The following MACROD2 variants were observed in gnomAD, a reference collection of about 807,000 sequenced individuals.
The protein encoded by MACROD2 is ADP-ribose glycohydrolase MACROD2.
MACROD2 carries 36 observed loss-of-function variants against 70.4 expected under a neutral mutation model. The observed-to-expected ratio is 0.51, with a 90% CI of 0.39 to 0.68. The LOEUF is 0.68. Among genes scored for constraint, MACROD2 ranks in the 30% least tolerant of loss-of-function variants. The pLI is 0.00. For missense variants in MACROD2, 496 were observed against 538.4 expected (o/e 0.92, Z 0.78); for synonymous variants, 172 against 178.8 (o/e 0.96, Z 0.30).
chr20:15,772,101 A>AAAAAAAAAAAAAATATATATATATAT (rs1555777716), intron 8 of MACROD2, among the ~76,000 whole-genome samples: 1 of 91,426 alleles, frequency 1.1e-5, no homozygotes, highest in Non-Finnish European at 1.9e-5. Context: ...AAAAAAAAAA[A>AAAAAAAAAAAAAATATATATATATAT]ATATATATAT....
intron 4 of MACROD2, among the ~76,000 whole-genome samples, chr20:14,577,782 A>AG (rs1980694353): frequency 7.4e-5 from 2 of 26,914 alleles, no homozygotes. Flanking sequence ...ATCATTTCTT[A>AG]AAAAGAAAAG....
At chr20:16,004,303 G>A (rs1213821092) in intron 15 of MACROD2, among the ~76,000 whole-genome samples, 2 of 152,142 alleles carry the variant, frequency 1.3e-5, no homozygotes. Context: ...TATGGACAAG[G>A]GAACACAGAG....
chr20:15,072,032 A>G lies in MACROD2; in HGVS notation c.419-157908A>G, dbSNP rs570916596. Among the ~76,000 whole-genome samples, 8 of 152,304 alleles carry G rather than the reference A, an allele frequency of 5.3e-5. No individual in the cohort carries two copies. In the East Asian group the frequency reaches 5.8e-4, roughly 11 times the overall value. ...CATAATGTAAGATTTCTCAAAATAT[A>G]TGATTTTAAAACAAGGACAATAAAT... On this transcript the variant is annotated intron_variant, in intron 5 of 17. Transcript: ENST00000684519.
intron 12 of MACROD2, among the ~76,000 whole-genome samples, chr20:15,957,078 C>T (rs1037984122): frequency 6.6e-6 from 1 of 152,078 alleles, no homozygotes; most frequent in Non-Finnish European, 1.5e-5. Context: ...GTCAAGTCCC[C>T]AAACAGGCAC....
chr20:15,495,733 T>C (rs2047288542), intron 7 of MACROD2, among the ~76,000 whole-genome samples: 1 of 152,178 alleles, frequency 6.6e-6, no homozygotes, highest in Admixed American at 6.5e-5. Flanking sequence ...TTCACTCTAT[T>C]AAGGTTATTA....
chr20:15,443,948 A>G (rs1249738921), intron 7 of MACROD2, among the ~76,000 whole-genome samples: 1 of 152,194 alleles, frequency 6.6e-6, no homozygotes. Flanking sequence ...AATAGAGCCT[A>G]ATCTTTTAGA....
chr20:14,192,366 C>T (rs6042576), intron 3 of MACROD2, among the ~76,000 whole-genome samples: 1 of 152,082 alleles, frequency 6.6e-6, no homozygotes, highest in African/African-American at 2.4e-5. Context: ...TGTTTGGGAC[C>T]TGATGAACAG....
At chr20:14,770,881 T>A (rs1041786950) in intron 5 of MACROD2, among the ~76,000 whole-genome samples, 1 of 152,118 alleles carries the variant, frequency 6.6e-6, no homozygotes, top group Non-Finnish European at 1.5e-5. Context: ...GTGTCACATA[T>A]GCTACATTAT....
intron 8 of MACROD2, among the ~76,000 whole-genome samples, chr20:15,627,718 T>C (rs1485969017): frequency 6.6e-6 from 1 of 152,166 alleles, no homozygotes; most frequent in Non-Finnish European, 1.5e-5. Flanking sequence ...TCTACAATAG[T>C]GATGTTATCT....
At chr20:15,872,315 G>A (rs2064597640) in intron 9 of MACROD2, among the ~76,000 whole-genome samples, 1 of 152,094 alleles carries the variant, frequency 6.6e-6, no homozygotes, top group African/African-American at 2.4e-5. Context: ...CTTTCCTCTT[G>A]CTATGTCCGA....
At chr20:15,585,940 A>AT (rs2048594176) in intron 8 of MACROD2, among the ~76,000 whole-genome samples, 1 of 152,152 alleles carries the variant, frequency 6.6e-6, no homozygotes, top group South Asian at 2.1e-4. Flanking sequence ...CAAAGTGAGA[A>AT]TTTAGGATTA....
chr20:14,237,805 T>G (rs1323586004), intron 3 of MACROD2, among the ~76,000 whole-genome samples: 2 of 151,918 alleles, frequency 1.3e-5, no homozygotes, highest in Non-Finnish European at 2.9e-5. Context: ...TTGGTTTTTT[T>G]GTCCTTGCGA....
chr20:14,547,849 C>T (rs1600371276), intron 4 of MACROD2, among the ~76,000 whole-genome samples: 1 of 152,284 alleles, frequency 6.6e-6, no homozygotes, highest in East Asian at 1.9e-4. Flanking sequence ...AAAATGGCTT[C>T]TCTTTTTCCA....
At position 14,057,151 on chromosome 20, in the gene MACROD2, G is replaced by C. The variant is rs556316471; in HGVS notation, c.164-28470G>C. On this transcript the variant is annotated intron_variant, in intron 2 of 17. Coordinates refer to ENST00000684519, the MANE Select transcript of MACROD2 (RefSeq NM_001351661.2). ...AAGTAAAATAAGCCCCTAGAGGACA[G>C]TATAAGAGAATATCTTACATCTTTC... 3.3e-5 allele frequency among the ~76,000 whole-genome samples: 5 copies of C among 152,256 alleles called. No homozygotes were observed. In the South Asian group the frequency reaches 6.2e-4, roughly 19 times the overall value.
chr20:14,786,606 G>T (rs2072377830), intron 5 of MACROD2, among the ~76,000 whole-genome samples: 1 of 151,926 alleles, frequency 6.6e-6, no homozygotes, highest in Admixed American at 6.6e-5. Context: ...TTTGAAGGAA[G>T]TGGAGACTAG....
intron 17 of MACROD2, among the ~76,000 whole-genome samples, chr20:16,045,829 G>A (rs184285968): frequency 6.6e-5 from 10 of 152,108 alleles, no homozygotes; most frequent in African/African-American, 2.2e-4. Flanking sequence ...CGGGGGCAGC[G>A]GGGAGCAAAA....
intron 4 of MACROD2, among the ~76,000 whole-genome samples, chr20:14,546,589 G>T (rs762710645): frequency 1.8e-4 from 27 of 152,116 alleles, no homozygotes; most frequent in Non-Finnish European, 3.5e-4. Context: ...GACAGATCCT[G>T]ATTGTCATCC....
At chr20:14,973,397 A>G (rs1366488343) in intron 5 of MACROD2, among the ~76,000 whole-genome samples, 4 of 151,722 alleles carry the variant, frequency 2.6e-5, no homozygotes, top group Non-Finnish European at 4.4e-5. Context: ...TAATTTTTGT[A>G]TTTTTAGTAT....
At chr20:15,977,667 T>G (rs949316027) in intron 13 of MACROD2, among the ~76,000 whole-genome samples, 2 of 152,116 alleles carry the variant, frequency 1.3e-5, no homozygotes, top group African/African-American at 4.8e-5. Context: ...AAACAAAATT[T>G]CTCTCTTAAT....
Sources: gnomAD v4.1 joint callset for allele counts (sites outside exome capture counted in the v4.1 genomes callset) on GRCh38, gnomAD v4.1.1 for gene constraint, MANE v1.5 for transcripts, NCBI Gene and HGNC (gene_info 2026-07-23, HGNC 2026-07-21) for gene names.